CD46: variants seen among roughly 807,000 people sequenced by gnomAD.
CD46 encodes membrane cofactor protein.
Under a neutral mutation model 53.3 loss-of-function variants are expected in CD46, and 30 were observed. The observed-to-expected ratio is 0.56, with a 90% CI of 0.42 to 0.76. The LOEUF is 0.76. CD46 is among the 30% of genes least tolerant of loss of function. CD46 has a pLI of 0.00. For missense variants in CD46, 409 were observed against 463.0 expected (o/e 0.88, Z 1.07); for synonymous variants, 142 against 152.0 (o/e 0.93, Z 0.48).
At chr1:207,785,790 T>A (rs55828915) in intron 11 of CD46, 108 bp downstream of exon 11, 6,874 of 536,110 alleles carry the variant, frequency 0.013, 6 homozygotes, top group African/African-American at 0.042. Context: ...TTTTTTTTTT[T>A]TAAAAAAATG....
chr1:207,752,202 C>T lies in CD46; in HGVS notation c.-11C>T. ...TCCTCCGGAGAAATAACAGCGTCTT[C>T]CGCGCCGCGCATGGAGCCTCCCGGC... On this transcript the variant is annotated 5_prime_UTR_variant, in exon 1 of 13. Transcript: ENST00000367042. The surrounding 1 kb of genome is among the most constrained non-coding windows in gnomAD (Gnocchi z 4.1). 6.2e-7 allele frequency: 1 copy of T among 1,612,910 alleles called. No individual in the cohort carries two copies. The highest frequency in any genetic ancestry group is 8.5e-7 in the Non-Finnish European group (1 of 1,179,532).
chr1:207,755,886 T>G (rs1452598835), intron 1 of CD46, among the ~76,000 whole-genome samples: 1 of 152,244 alleles, frequency 6.6e-6, no homozygotes, highest in Non-Finnish European at 1.5e-5. Context: ...CAGCAGTGGA[T>G]TTTGAATACC....
chr1:207,789,767 T>C (rs1659612305), intron 11 of CD46, among the ~76,000 whole-genome samples: 1 of 149,850 alleles, frequency 6.7e-6, no homozygotes, highest in African/African-American at 2.5e-5. Context: ...GTTTGGTGGC[T>C]CACGCCTGTA....
In CD46 at chr1:207,781,040, C is replaced by G. The variant is rs41317955; in HGVS notation, c.944-2252C>G. Among the ~76,000 whole-genome samples, 1,493 of 150,950 alleles carry G rather than the reference C, an allele frequency of 9.9e-3. 28 individuals carry two copies. Among genetic ancestry groups the G allele is most frequent in the African/African-American group, 0.034 (1,410 of 40,992 alleles). ...TTCATGAGGACAGAGCCATAATGACCCAAACACCTCTTAAAGGCGCCACCC... is the reference window on the plus strand; with the variant it reads ...TTCATGAGGACAGAGCCATAATGACGCAAACACCTCTTAAAGGCGCCACCC... On this transcript the variant is annotated intron_variant, in intron 8 of 12. Transcript: ENST00000367042.
intron 12 of CD46, among the ~76,000 whole-genome samples, chr1:207,792,810 A>T (rs1260909402): frequency 6.6e-6 from 1 of 152,248 alleles, no homozygotes; most frequent in African/African-American, 2.4e-5. Context: ...GGTATGCTGC[A>T]AGTGTCAAAC....
intron 11 of CD46, 153 bp downstream of exon 11, chr1:207,785,835 T>A (rs989334110): frequency 1.6e-5 from 10 of 626,486 alleles, no homozygotes; most frequent in Non-Finnish European, 2.9e-5. Flanking sequence ...TGCATTTCTT[T>A]GCTAAAAATA....
chr1:207,752,390 C>T lies in CD46; in HGVS notation c.97+81C>T, dbSNP rs1655021334. 3 of 1,305,340 alleles carry T rather than the reference C, an allele frequency of 2.3e-6. No homozygotes were observed. The highest frequency in any genetic ancestry group is 1.2e-5 in the South Asian group (1 of 84,918). The allele number at this position is 1,305,340 out of a possible 1,614,324, so 80.9% of individuals were successfully genotyped here. ...CGGGCAAGAGTCGCGGGGCGGGGCT[C>T]ACAGCAGGCCGTGCCTGTTTGGGGA... is the stretch of plus-strand genomic sequence containing the variant. On this transcript the variant is annotated intron_variant, in intron 1 of 12. Transcript: ENST00000367042. This position sits in a 1 kb window ranked among gnomAD's most constrained non-coding sequence, Gnocchi z 4.1.
In CD46 at chr1:207,752,713, C is replaced by T. The variant is rs1655057591; in HGVS notation, c.97+404C>T. 6.6e-6 allele frequency among the ~76,000 whole-genome samples: 1 copy of T among 152,220 alleles called. No homozygotes were observed. The highest frequency in any genetic ancestry group is 2.4e-5 in the African/African-American group (1 of 41,540). On this transcript the variant is annotated intron_variant, in intron 1 of 12. Coordinates refer to ENST00000367042, the MANE Select transcript of CD46 (RefSeq NM_172351.3). This position sits in a 1 kb window ranked among gnomAD's most constrained non-coding sequence, Gnocchi z 4.1. Reference sequence around the variant, plus strand: ...GTGGTGAGAGTTTGCCCTGTGTTCCCTTGGTGCCTTGGTGAGTGGGGTGTT... The same window carrying T: ...GTGGTGAGAGTTTGCCCTGTGTTCCTTTGGTGCCTTGGTGAGTGGGGTGTT...
At chr1:207,767,373 A>G in intron 6 of CD46, 178 bp downstream of exon 6, 1 of 733,388 alleles carries the variant, frequency 1.4e-6, no homozygotes, top group Admixed American at 2.5e-5. Context: ...AATTCACATA[A>G]AATTCTGCTG....
At chr1:207,780,134 C>T (rs1357506293) in intron 8 of CD46, among the ~76,000 whole-genome samples, 1 of 151,752 alleles carries the variant, frequency 6.6e-6, no homozygotes. Context: ...ATAATCATCC[C>T]ACACTGAATC....
chr1:207,788,639 T>TA (rs1324672497), intron 11 of CD46, among the ~76,000 whole-genome samples: 1 of 152,198 alleles, frequency 6.6e-6, no homozygotes, highest in African/African-American at 2.4e-5. Context: ...ATAAAGACTA[T>TA]AAAATGTCTG....
chr1:207,776,611 T>C (rs1427923519), intron 8 of CD46, among the ~76,000 whole-genome samples: 1 of 152,150 alleles, frequency 6.6e-6, no homozygotes, highest in African/African-American at 2.4e-5. Context: ...CATTTCTTGG[T>C]TCTTGGTTTT....
At chr1:207,761,598 C>A in intron 5 of CD46, 152 bp downstream of exon 5, 1 of 677,770 alleles carries the variant, frequency 1.5e-6, no homozygotes, top group Non-Finnish European at 2.6e-6. Flanking sequence ...CAATTCAAGT[C>A]AAAAAATAGT....
chr1:207,779,411 T>TAG (rs1250407611), intron 8 of CD46, among the ~76,000 whole-genome samples: 2 of 152,308 alleles, frequency 1.3e-5, no homozygotes, highest in East Asian at 3.9e-4. Flanking sequence ...TTTTTCCACT[T>TAG]ACACTCTTAG....
intron 8 of CD46, among the ~76,000 whole-genome samples, chr1:207,776,084 C>T (rs1190361580): frequency 6.6e-6 from 1 of 152,244 alleles, no homozygotes; most frequent in Non-Finnish European, 1.5e-5. Flanking sequence ...CAATGGCAGA[C>T]ATTCCTCCCC....
At position 207,760,271 on chromosome 1, in the gene CD46, T is replaced by C. The variant is rs150597475; in HGVS notation, c.475+547T>C. On this transcript the variant is annotated intron_variant, in intron 4 of 12. Transcript: ENST00000367042. ...ATTTTCCAAATCAAAATAAAATTAGTGAGAATAGTGGCATTGTTCACATTT... is the reference window on the plus strand; with the variant it reads ...ATTTTCCAAATCAAAATAAAATTAGCGAGAATAGTGGCATTGTTCACATTT... 7.6e-3 allele frequency: 1,172 copies of C among 153,584 alleles called. 15 individuals are homozygous for C. Among genetic ancestry groups the C allele is most frequent in the East Asian group, 0.036 (188 of 5,204 alleles). The allele number at this position is 153,584 out of a possible 1,614,324, so 9.5% of individuals were successfully genotyped here.
intron 1 of CD46, among the ~76,000 whole-genome samples, chr1:207,753,399 G>A (rs2102518724): frequency 6.6e-6 from 1 of 152,392 alleles, no homozygotes; most frequent in African/African-American, 2.4e-5. Context: ...GCCAGGCGCA[G>A]TGGCTCACGC....
chr1:207,777,144 A>C (rs1435045445), intron 8 of CD46, among the ~76,000 whole-genome samples: 1 of 152,076 alleles, frequency 6.6e-6, no homozygotes, highest in Non-Finnish European at 1.5e-5. Context: ...TTGTTATACT[A>C]CTGGATATAG....
chr1:207,777,444 G>T (rs1258886602), intron 8 of CD46, among the ~76,000 whole-genome samples: 4 of 152,064 alleles, frequency 2.6e-5, no homozygotes, highest in African/African-American at 7.2e-5. Flanking sequence ...CAGGTATTAA[G>T]CCTAGTACCC....
Sources: gnomAD v4.1 joint callset for allele counts (sites outside exome capture counted in the v4.1 genomes callset) on GRCh38, gnomAD v4.1.1 for gene constraint, Gnocchi (gnomAD v3.1) non-coding constraint, MANE v1.5 for transcripts, NCBI Gene and HGNC (gene_info 2026-07-23, HGNC 2026-07-21) for gene names.